The following IRS1 variants were observed in gnomAD, a reference collection of about 807,000 sequenced individuals.
IRS1 encodes insulin receptor substrate 1.
IRS1 carries 34 observed loss-of-function variants against 65.6 expected under a neutral mutation model. The observed-to-expected ratio is 0.52, with a 90% CI of 0.39 to 0.69. The LOEUF (loss-of-function observed/expected upper bound fraction) is 0.69. IRS1 is among the 30% of genes least tolerant of loss of function. The probability of loss-of-function intolerance (pLI) is 0.00; values close to 1 mark genes in which losing one functional copy is unlikely to be tolerated. For synonymous variants in IRS1, 699 were observed against 683.5 expected, an observed-to-expected ratio of 1.02 and a Z score of -0.35; for missense variants, 1,641 against 1,720.2, an observed-to-expected ratio of 0.95 and a Z score of 0.81.
intron 1 of IRS1, among the ~76,000 whole-genome samples, chr2:226,738,019 G>A (rs966846266): frequency 1.2e-4 from 18 of 152,272 alleles, no homozygotes; most frequent in African/African-American, 4.3e-4. Context: ...TATCTAAGGA[G>A]GGATAGAAGG....
Position 226,743,234 on chromosome 2 carries a change from A to AT in IRS1, c.*22-6985dup, listed in dbSNP as rs755663988. 7.7e-3 allele frequency among the ~76,000 whole-genome samples: 1,123 copies of AT among 146,676 alleles called. 5 individuals carry two copies. The highest frequency in any genetic ancestry group is 0.017 in the African/African-American group (689 of 40,322). On this transcript the variant is annotated intron_variant, in intron 1 of 1. Coordinates refer to ENST00000305123, the MANE Select transcript of IRS1 (RefSeq NM_005544.3). Reference sequence around the variant, plus strand: ...ACGTACTCTCAGGCAGGAAGATTTAATTTTTTTTTTTTGGAGACAGAGTCT... The same window carrying AT: ...ACGTACTCTCAGGCAGGAAGATTTAATTTTTTTTTTTTTGGAGACAGAGTCT...
intron 1 of IRS1, among the ~76,000 whole-genome samples, chr2:226,754,450 A>G (rs1158790057): frequency 1.3e-5 from 2 of 152,206 alleles, no homozygotes; most frequent in African/African-American, 4.8e-5. Flanking sequence ...GCATTATTTC[A>G]TTTCATTCTC....
Position 226,735,643 on chromosome 2 carries a change from C to T in IRS1, c.*629G>A, listed in dbSNP as rs1295843763. The T allele has an allele frequency of 2.6e-5, 4 of 152,704 alleles. No individual in the cohort carries two copies. In the East Asian group the frequency reaches 7.7e-4, roughly 29 times the overall value. The allele number at this position is 152,704 out of a possible 1,614,324, so 9.5% of individuals were successfully genotyped here. On this transcript the variant is annotated 3_prime_UTR_variant, in exon 2 of 2. Transcript: ENST00000305123. ...TGTTTTCTGAATTACAATCTTAAAA[C>T]AAGGATCATACCCTATTCTACTCTT...
chr2:226,788,027 A>G (rs548780705), intron 1 of IRS1, among the ~76,000 whole-genome samples: 1 of 151,990 alleles, frequency 6.6e-6, no homozygotes, highest in South Asian at 2.1e-4. Context: ...TTCAAAAAAA[A>G]AAACGTCTCT....
chr2:226,751,793 A>G (rs1393007321), intron 1 of IRS1, among the ~76,000 whole-genome samples: 1 of 152,158 alleles, frequency 6.6e-6, no homozygotes, highest in African/African-American at 2.4e-5. Flanking sequence ...CTCAAAAGTG[A>G]TAGAACCAAA....
intron 1 of IRS1, among the ~76,000 whole-genome samples, chr2:226,764,972 G>A (rs1299725635): frequency 1.3e-5 from 2 of 152,174 alleles, no homozygotes; most frequent in Non-Finnish European, 2.9e-5. Context: ...TTTGTTTCTT[G>A]TTAATTTTCC....
At chr2:226,768,090 G>T (rs1939091388) in intron 1 of IRS1, among the ~76,000 whole-genome samples, 1 of 152,082 alleles carries the variant, frequency 6.6e-6, no homozygotes, top group Non-Finnish European at 1.5e-5. Flanking sequence ...ATAGGATTCT[G>T]CATCTGCTGC....
At chr2:226,756,403 C>G (rs549974724) in intron 1 of IRS1, among the ~76,000 whole-genome samples, 37 of 152,238 alleles carry the variant, frequency 2.4e-4, no homozygotes, top group Middle Eastern at 3.4e-3. Flanking sequence ...CCTGCCACTA[C>G]AAGTCAAAGT....
intron 1 of IRS1, among the ~76,000 whole-genome samples, chr2:226,741,982 C>T (rs551621846): frequency 5.3e-4 from 81 of 152,192 alleles, no homozygotes; most frequent in Non-Finnish European, 1.0e-3. Context: ...GACTGTGAAA[C>T]GCTTATTAAA....
At chr2:226,740,290 G>A (rs956274478) in intron 1 of IRS1, among the ~76,000 whole-genome samples, 1 of 152,174 alleles carries the variant, frequency 6.6e-6, no homozygotes. Context: ...CCTTCTGCGT[G>A]TATATTCTTG....
intron 1 of IRS1, among the ~76,000 whole-genome samples, chr2:226,779,383 A>T (rs1180010184): frequency 6.6e-6 from 1 of 152,252 alleles, no homozygotes; most frequent in African/African-American, 2.4e-5. Context: ...CCTATGGTCC[A>T]ACATTCATTC....
rs1939854743 is a variant in IRS1, at chr2:226,799,755, C to T, written c.-1017G>A. ...GCGCGCCGGCCCCCTCCGACCGCGCCGCCGTCTCACTCGGAGGAGAAAAAC... is the reference window on the plus strand; with the variant it reads ...GCGCGCCGGCCCCCTCCGACCGCGCTGCCGTCTCACTCGGAGGAGAAAAAC... On this transcript the variant is annotated 5_prime_UTR_variant, in exon 1 of 2. Transcript: ENST00000305123. This position sits in a 1 kb window ranked among gnomAD's most constrained non-coding sequence, Gnocchi z 6.1. The T allele has an allele frequency of 1.0e-6, 1 of 998,542 alleles. No individual in the cohort carries two copies. Among genetic ancestry groups the T allele is most frequent in the Non-Finnish European group, 1.2e-6 (1 of 830,040 alleles). 61.9% of individuals were successfully genotyped at this position (998,542 alleles called of 1,614,324 possible). A position where few individuals can be genotyped will look rare whatever the true frequency, so the allele number is the denominator to read the frequency against.
chr2:226,757,513 G>A (rs1031029673), intron 1 of IRS1, among the ~76,000 whole-genome samples: 3 of 152,150 alleles, frequency 2.0e-5, no homozygotes, highest in Admixed American at 6.5e-5. Flanking sequence ...CTACTCAGGA[G>A]GCTGAGGCAA....
At position 226,795,071 on chromosome 2, in the gene IRS1, C is replaced by T. The variant is rs750668066; in HGVS notation, c.3668G>A (p.Ser1223Asn). 1 of 1,522,006 alleles carries T rather than the reference C, an allele frequency of 6.6e-7. No individual in the cohort carries two copies. The highest frequency in any genetic ancestry group is 2.7e-5 in the East Asian group (1 of 37,306). The allele number at this position is 1,522,006 out of a possible 1,614,324, so 94.3% of individuals were successfully genotyped here. ...SGESSSTRRS[S>N]EDLSAYASIS... is the part of the protein sequence containing the mutation. ...GCTGGCATAGGCGCTTAAATCCTCACTTGAGCGGCGGGTGGAGCTGCTCTC... is the reference window on the plus strand; with the variant it reads ...GCTGGCATAGGCGCTTAAATCCTCATTTGAGCGGCGGGTGGAGCTGCTCTC... The change falls in exon 1 of 2, where the codon AGT becomes AAT. Residue 1223 changes from serine to asparagine, a missense_variant. By Grantham distance (46) the Ser-to-Asn change is conservative. Around this residue, in one of 3 missense-constraint regions of IRS1, gnomAD observed 1,324 missense variants for 1,361.0 expected, o/e 0.97. Transcript: ENST00000305123.
At chr2:226,787,501 T>C (rs1016178480) in intron 1 of IRS1, among the ~76,000 whole-genome samples, 1 of 152,212 alleles carries the variant, frequency 6.6e-6, no homozygotes, top group Non-Finnish European at 1.5e-5. Flanking sequence ...GTACCATTTT[T>C]CCCTCCATTT....
intron 1 of IRS1, among the ~76,000 whole-genome samples, chr2:226,736,786 A>T (rs978146844): frequency 1.3e-5 from 2 of 152,204 alleles, no homozygotes; most frequent in Non-Finnish European, 2.9e-5. Flanking sequence ...GACCTACTGA[A>T]TCATTAAATA....
rs200141729 is a variant in IRS1 at position 226,796,485 on chromosome 2, C to A, written c.2254G>T (p.Gly752Cys). ...NTSSPSDCYY[G>C]PEDPQHKPVL... ...GGCTTGTGCTGGGGGTCCTCAGGGC[C>A]GTAGTAGCAGTCGGAGGGGCTGCTG... The change falls in exon 1 of 2, where the codon GGC becomes TGC. Residue 752 changes from glycine (G) to cysteine (C), a missense_variant. This residue lies in a region of IRS1 where 1,324 missense variants were observed against 1,361.0 expected (regional missense o/e 0.97). Transcript: ENST00000305123. The A allele has an allele frequency of 1.9e-6, 3 of 1,613,684 alleles. No homozygotes were observed. The highest frequency in any genetic ancestry group is 2.5e-6 in the Non-Finnish European group (3 of 1,180,032).
At chr2:226,758,235 A>G (rs1243061136) in intron 1 of IRS1, among the ~76,000 whole-genome samples, 1 of 152,218 alleles carries the variant, frequency 6.6e-6, no homozygotes, top group African/African-American at 2.4e-5. Flanking sequence ...TGAATGTTAT[A>G]TAAATTATTA....
At position 226,769,492 on chromosome 2, in the gene IRS1, C is replaced by A. The variant is rs566590226; in HGVS notation, c.*21+25497G>T. Among the ~76,000 whole-genome samples the A allele has an allele frequency of 2.6e-5, 4 of 152,298 alleles. No homozygotes were observed. In the South Asian group the frequency reaches 6.2e-4, roughly 24 times the overall value. ...TGCAGCACCCCAAGGAACCACAGAG[C>A]CATTTCGAGGCTGTCCTTCCAGCCA... On this transcript the variant is annotated intron_variant, in intron 1 of 1. Transcript: ENST00000305123.
Sources: gnomAD v4.1 joint callset for allele counts (sites outside exome capture counted in the v4.1 genomes callset) on GRCh38, gnomAD v4.1.1 for gene constraint, gnomAD v4.1.1 regional missense constraint, Gnocchi (gnomAD v3.1) non-coding constraint, MANE v1.5 for transcripts, NCBI Gene and HGNC (gene_info 2026-07-23, HGNC 2026-07-21) for gene names.